TMEM150C: variants seen among roughly 807,000 people sequenced by gnomAD.
TMEM150C encodes tentonin 3.
A neutral mutation model predicts 29.9 loss-of-function variants in TMEM150C; 10 were observed. That is an observed-to-expected ratio of 0.33 (90% CI 0.21 to 0.57). The LOEUF is 0.57. TMEM150C is among the 20% of genes least tolerant of loss of function. TMEM150C has a pLI of 0.88. For synonymous variants in TMEM150C, 101 were observed against 112.5 expected, an observed-to-expected ratio of 0.90 and a Z score of 0.64; for missense variants, 251 against 303.6, an observed-to-expected ratio of 0.83 and a Z score of 1.29.
At chr4:82,550,201 T>A (rs1471244439) in intron 1 of TMEM150C, among the ~76,000 whole-genome samples, 1 of 152,100 alleles carries the variant, frequency 6.6e-6, no homozygotes, top group Non-Finnish European at 1.5e-5. Flanking sequence ...ATCTGATGGT[T>A]TTATAAGTGT....
At chr4:82,526,246 G>C (rs1724648460) in intron 1 of TMEM150C, among the ~76,000 whole-genome samples, 1 of 152,152 alleles carries the variant, frequency 6.6e-6, no homozygotes, top group South Asian at 2.1e-4. Flanking sequence ...AAAACATTTT[G>C]GGGTTGTGGA....
intron 1 of TMEM150C, among the ~76,000 whole-genome samples, chr4:82,518,113 C>G (rs1424020354): frequency 6.6e-6 from 1 of 151,926 alleles, no homozygotes; most frequent in Non-Finnish European, 1.5e-5. Flanking sequence ...GTCAGGAGTT[C>G]GAGACCAGCC....
At chr4:82,536,237 A>G (rs1724998729) in intron 1 of TMEM150C, among the ~76,000 whole-genome samples, 2 of 151,696 alleles carry the variant, frequency 1.3e-5, no homozygotes, top group African/African-American at 4.8e-5. Context: ...ATGCACCTGT[A>G]GTCCCAGCTA....
Position 82,485,430 on chromosome 4 carries a change from T to C in TMEM150C, c.*81A>G, listed in dbSNP as rs919325198. 2 of 1,048,222 alleles carry C rather than the reference T, an allele frequency of 1.9e-6. No individual in the cohort carries two copies. The highest frequency in any genetic ancestry group is 2.8e-6 in the Non-Finnish European group (2 of 702,126). 64.9% of individuals were successfully genotyped at this position (1,048,222 alleles called of 1,614,324 possible). A position where few individuals can be genotyped will look rare whatever the true frequency, so the allele number is the denominator to read the frequency against. Reference sequence around the variant, plus strand: ...TGTGTGTGTGTGTGAAATGAGGTTCTATGTCAAGTCCTGTGAGTGTGTCCT... The same window carrying C: ...TGTGTGTGTGTGTGAAATGAGGTTCCATGTCAAGTCCTGTGAGTGTGTCCT... On this transcript the variant is annotated 3_prime_UTR_variant, in exon 8 of 8. Coordinates refer to ENST00000449862, the MANE Select transcript of TMEM150C (RefSeq NM_001080506.3).
intron 5 of TMEM150C, among the ~76,000 whole-genome samples, chr4:82,502,443 A>G (rs899156916): frequency 3.3e-5 from 5 of 152,228 alleles, no homozygotes; most frequent in Admixed American, 2.6e-4. Flanking sequence ...AGGATTTTAT[A>G]TCATGAAATA....
chr4:82,553,522 A>C (rs1725647097), intron 1 of TMEM150C, among the ~76,000 whole-genome samples: 1 of 152,204 alleles, frequency 6.6e-6, no homozygotes, highest in South Asian at 2.1e-4. Flanking sequence ...TGCCTTCCAA[A>C]GGCATTTTCT....
chr4:82,513,376 CA>C (rs1327834262), intron 1 of TMEM150C, among the ~76,000 whole-genome samples: 2 of 151,868 alleles, frequency 1.3e-5, no homozygotes, highest in Admixed American at 6.6e-5. Flanking sequence ...AACTAACAAA[CA>C]AAAAGGAATA....
At chr4:82,502,580 A>ATGCTGGCTTCAGCATATT in intron 5 of TMEM150C, 147 bp downstream of exon 5, 1 of 742,972 alleles carries the variant, frequency 1.3e-6, no homozygotes, top group Non-Finnish European at 2.1e-6. Context: ...AAGACCTTTA[A>ATGCTGGCTTCAGCATATT]GACAAAGAGC....
intron 2 of TMEM150C, 58 bp downstream of exon 2, chr4:82,504,520 T>C: frequency 1.4e-6 from 2 of 1,476,310 alleles, no homozygotes; most frequent in Middle Eastern, 1.7e-4. Context: ...TATTAAGGTT[T>C]ACATTTGTAT....
intron 1 of TMEM150C, among the ~76,000 whole-genome samples, chr4:82,529,907 G>A (rs929179511): frequency 2.0e-5 from 3 of 152,040 alleles, no homozygotes; most frequent in Non-Finnish European, 2.9e-5. Flanking sequence ...ATAGAGAATT[G>A]AGCATATTTT....
chr4:82,514,010 C>T (rs559672222), intron 1 of TMEM150C, among the ~76,000 whole-genome samples: 1 of 152,242 alleles, frequency 6.6e-6, no homozygotes, highest in Non-Finnish European at 1.5e-5. Flanking sequence ...CAAATTTGCA[C>T]CAGCAGGCAG....
chr4:82,497,011 C>T (rs920082641), intron 5 of TMEM150C, among the ~76,000 whole-genome samples: 2 of 152,182 alleles, frequency 1.3e-5, no homozygotes, highest in African/African-American at 4.8e-5. Flanking sequence ...ATTAATTACT[C>T]ATTTTAAATG....
At chr4:82,560,468 C>G (rs1725883989) in intron 1 of TMEM150C, among the ~76,000 whole-genome samples, 1 of 152,146 alleles carries the variant, frequency 6.6e-6, no homozygotes, top group Admixed American at 6.6e-5. Flanking sequence ...ATTAAAATTC[C>G]TACGCTTATG....
chr4:82,485,431 A>G lies in TMEM150C; in HGVS notation c.*80T>C, dbSNP rs1723127090. On this transcript the variant is annotated 3_prime_UTR_variant, in exon 8 of 8. Coordinates refer to ENST00000449862, the MANE Select transcript of TMEM150C (RefSeq NM_001080506.3). ...GTGTGTGTGTGTGAAATGAGGTTCT[A>G]TGTCAAGTCCTGTGAGTGTGTCCTA... The G allele has an allele frequency of 9.6e-7, 1 of 1,040,244 alleles. No individual in the cohort carries two copies. The highest frequency in any genetic ancestry group is 1.6e-5 in the African/African-American group (1 of 62,520). 64.4% of individuals were successfully genotyped at this position (1,040,244 alleles called of 1,614,324 possible). A position where few individuals can be genotyped will look rare whatever the true frequency, so the allele number is the denominator to read the frequency against.
chr4:82,485,862 A>G lies in TMEM150C; in HGVS notation c.542-143T>C, dbSNP rs1723143740. On this transcript the variant is annotated intron_variant, in intron 7 of 7. Coordinates refer to ENST00000449862, the MANE Select transcript of TMEM150C (RefSeq NM_001080506.3). ...AGCCTGCTAGAGCTTGTTGAACACG[A>G]AAATCTATATGAATAATAAGTTAAC... 3 of 694,368 alleles carry G rather than the reference A, an allele frequency of 4.3e-6. No individual in the cohort carries two copies. In the South Asian group the frequency reaches 5.9e-5, roughly 14 times the overall value. 43.0% of individuals were successfully genotyped at this position (694,368 alleles called of 1,614,324 possible).
In TMEM150C at chr4:82,483,450, C is replaced by T. The variant is rs1408657756; in HGVS notation, c.*2061G>A. On this transcript the variant is annotated 3_prime_UTR_variant, in exon 8 of 8. Coordinates refer to ENST00000449862, the MANE Select transcript of TMEM150C (RefSeq NM_001080506.3). ...CCTTGGACTATTTACAGTAAGACGC[C>T]TTTTTGACAGGAGAATCTTGTTCTC... 1 of 152,120 alleles carries T rather than the reference C, an allele frequency of 6.6e-6. No homozygotes were observed. The highest frequency in any genetic ancestry group is 1.9e-4 in the East Asian group (1 of 5,194). The allele number at this position is 152,120 out of a possible 1,614,324, so 9.4% of individuals were successfully genotyped here. A position where few individuals can be genotyped will look rare whatever the true frequency, so the allele number is the denominator to read the frequency against.
intron 1 of TMEM150C, among the ~76,000 whole-genome samples, chr4:82,525,016 T>C (rs532686526): frequency 6.3e-4 from 96 of 152,308 alleles, no homozygotes; most frequent in African/African-American, 2.2e-3. Context: ...CAGGAACCTA[T>C]TGCAATGTTC....
intron 6 of TMEM150C, chr4:82,495,030 T>C (rs1416994334): frequency 1.2e-5 from 15 of 1,218,306 alleles, no homozygotes; most frequent in African/African-American, 3.1e-5. Flanking sequence ...CTGTTTGTGC[T>C]GCAGGACACG....
At chr4:82,506,806 T>G (rs1200988352) in intron 1 of TMEM150C, among the ~76,000 whole-genome samples, 1 of 152,174 alleles carries the variant, frequency 6.6e-6, no homozygotes, top group Non-Finnish European at 1.5e-5. Context: ...CAAAAATAAT[T>G]CCATAAGTAG....
Sources: gnomAD v4.1 joint callset for allele counts (sites outside exome capture counted in the v4.1 genomes callset) on GRCh38, gnomAD v4.1.1 for gene constraint, MANE v1.5 for transcripts, NCBI Gene and HGNC (gene_info 2026-07-23, HGNC 2026-07-21) for gene names.